OR10G7: variants seen among roughly 807,000 people sequenced by gnomAD.
The protein encoded by OR10G7 is olfactory receptor 10G7.
For synonymous variants in OR10G7, 165 were observed against 167.4 expected, an observed-to-expected ratio of 0.99 and a Z score of 0.11; for missense variants, 338 against 382.1, an observed-to-expected ratio of 0.88 and a Z score of 0.96.
In OR10G7 at chr11:124,038,587, A is replaced by T. The variant is rs1183491226; in HGVS notation, c.415T>A (p.Ser139Thr). The part of the protein sequence containing the change: ...LRYTNMMTGR[S>T]CALLATGTWL... ...GTGCCGGTGGCCAGGAGGGCACACG[A>T]GCGCCCAGTCATCATGTTGGTGTAC... The change falls in exon 2 of 2, where the codon TCG (serine) becomes ACG (threonine). Residue 139 changes from serine (S) to threonine (T), a missense_variant. Physicochemically the swap from Ser to Thr is moderately conservative, Grantham distance 58 (BLOSUM62 1). Coordinates refer to ENST00000641585, the MANE Select transcript of OR10G7 (RefSeq NM_001004463.2). The T allele has an allele frequency of 1.2e-6, 2 of 1,613,852 alleles. 1 individual carries two copies. The highest frequency in any genetic ancestry group is 2.7e-5 in the African/African-American group (2 of 74,916).
Position 124,036,301 on chromosome 11 carries a change from C to G in OR10G7, c.*1765G>C, listed in dbSNP as rs1864191298. 6.6e-6 allele frequency: 1 copy of G among 152,172 alleles called. No homozygotes were observed. Among genetic ancestry groups the G allele is most frequent in the Admixed American group, 6.5e-5 (1 of 15,278 alleles). 9.4% of individuals were successfully genotyped at this position (152,172 alleles called of 1,614,324 possible). A position where few individuals can be genotyped will look rare whatever the true frequency, so the allele number is the denominator to read the frequency against. The stretch of plus-strand genomic sequence containing the variant: ...CTTATATATGTTTATCAATAATTTA[C>G]TTTCAAAATGGTTGTGTGTGATACA... On this transcript the variant is annotated 3_prime_UTR_variant, in exon 2 of 2. Transcript: ENST00000641585.
intron 1 of OR10G7, among the ~76,000 whole-genome samples, chr11:124,039,807 C>T (rs748278357): frequency 1.3e-5 from 2 of 152,104 alleles, no homozygotes; most frequent in Admixed American, 1.3e-4. Flanking sequence ...ATTAGATTCT[C>T]GTAGGAGTGG....
chr11:124,038,326 G>T lies in OR10G7; in HGVS notation c.676C>A (p.Arg226=), dbSNP rs150421981. ...SYVSIVCSIL[R]IRTSEGRHRA... ...TGCCTCCCCTCTGAGGTGCGGATCC[G>T]CAGGATGGAACAGACGATGGACACA... The change falls in exon 2 of 2, where the codon CGG becomes AGG. Residue 226 remains arginine, a synonymous_variant. Coordinates refer to ENST00000641585, the MANE Select transcript of OR10G7 (RefSeq NM_001004463.2). 2.5e-6 allele frequency: 4 copies of T among 1,614,128 alleles called. No individual in the cohort carries two copies. Among genetic ancestry groups the T allele is most frequent in the Non-Finnish European group, 3.4e-6 (4 of 1,180,036 alleles).
In OR10G7 at chr11:124,038,620, G is replaced by T. The variant is rs764445203; in HGVS notation, c.382C>A (p.Pro128Thr). The T allele has an allele frequency of 1.9e-6, 3 of 1,613,978 alleles. No homozygotes were observed. Among genetic ancestry groups the T allele is most frequent in the Non-Finnish European group, 2.5e-6 (3 of 1,179,992 alleles). Residue 128 changes from proline to threonine, a missense_variant, in exon 2 of 2, where the codon CCG (proline) becomes ACG (threonine). Physicochemically the swap from Pro to Thr is conservative, Grantham distance 38. Coordinates refer to ENST00000641585, the MANE Select transcript of OR10G7 (RefSeq NM_001004463.2). ...SYDRYLAISYPLRYTNMMTGR... is the reference protein window; with the variant it reads ...SYDRYLAISYTLRYTNMMTGR... ...GTCATCATGTTGGTGTACCTGAGCGGGTAACTGATGGCCAGGTAGCGATCA... is the reference window on the plus strand; with the variant it reads ...GTCATCATGTTGGTGTACCTGAGCGTGTAACTGATGGCCAGGTAGCGATCA...
chr11:124,039,105 G>A (rs1435618494), intron 1 of OR10G7, 84 bp from the exon 2 acceptor site: 1 of 1,290,316 alleles, frequency 7.8e-7, no homozygotes, highest in Non-Finnish European at 1.1e-6. Context: ...TTCTGATTAA[G>A]AACAATAGGG....
rs567143986 is a variant in OR10G7 at position 124,038,812 on chromosome 11, G to T, written c.190C>A (p.Leu64Met). 3.1e-6 allele frequency: 5 copies of T among 1,613,970 alleles called. No individual in the cohort carries two copies. Among genetic ancestry groups the T allele is most frequent in the Admixed American group, 1.7e-5 (1 of 60,020 alleles). ...HTPMYYFLTN[L>M]SFIDMWFSTV... ...GAGAACCACATGTCAATGAAGGACA[G>T]GTTGGTGAGGAAGTAGTACATGGGG... The change falls in exon 2 of 2, where the codon CTG becomes ATG. Residue 64 changes from leucine (L) to methionine (M), a missense_variant. Transcript: ENST00000641585.
chr11:124,039,122 T>C, intron 1 of OR10G7, 101 bp from the exon 2 acceptor site: 1 of 1,161,296 alleles, frequency 8.6e-7, no homozygotes, highest in Non-Finnish European at 1.2e-6. Flanking sequence ...AGGGTTAAAT[T>C]ATTTTTTATA....
In OR10G7 at chr11:124,036,582, G is replaced by A. The variant is rs768528245; in HGVS notation, c.*1484C>T. On this transcript the variant is annotated 3_prime_UTR_variant, in exon 2 of 2. Coordinates refer to ENST00000641585, the MANE Select transcript of OR10G7 (RefSeq NM_001004463.2). The stretch of plus-strand genomic sequence containing the variant: ...GTAATGGTAAGTTAGATATAACAGC[G>A]TGATGTTACAGAGAAGTGTAAGAAT... The A allele has an allele frequency of 2.0e-5, 3 of 152,168 alleles. No homozygotes were observed. Among genetic ancestry groups the A allele is most frequent in the African/African-American group, 4.8e-5 (2 of 41,446 alleles). 9.4% of individuals were successfully genotyped at this position (152,168 alleles called of 1,614,324 possible).
chr11:124,038,829 T>C lies in OR10G7; in HGVS notation c.173A>G (p.Tyr58Cys), dbSNP rs1446738508. The C allele has an allele frequency of 6.2e-7, 1 of 1,613,694 alleles. No individual in the cohort carries two copies. The highest frequency in any genetic ancestry group is 8.5e-7 in the Non-Finnish European group (1 of 1,179,942). ...GAAGGACAGGTTGGTGAGGAAGTAG[T>C]ACATGGGGGTGTGGAGGTGAGAATC... is the stretch of plus-strand genomic sequence containing the variant. ...RVDSHLHTPM[Y>C]YFLTNLSFID... is the part of the protein sequence containing the mutation. Residue 58 changes from tyrosine (Y) to cysteine (C), a missense_variant, in exon 2 of 2, where the codon TAC becomes TGC. Physicochemically the swap from Tyr to Cys is radical, Grantham distance 194. Transcript: ENST00000641585.
Position 124,036,259 on chromosome 11 carries a change from TAA to T in OR10G7, c.*1805_*1806del, listed in dbSNP as rs1435841866. On this transcript the variant is annotated 3_prime_UTR_variant, in exon 2 of 2. Coordinates refer to ENST00000641585, the MANE Select transcript of OR10G7 (RefSeq NM_001004463.2). The stretch of plus-strand genomic sequence containing the variant: ...TATTTCAACAACATTTTCAATTAAA[TAA>T]AGACTGACATTCTTCTTATATATGT... 1 of 152,218 alleles carries T rather than the reference TAA, an allele frequency of 6.6e-6. No individual in the cohort carries two copies. The highest frequency in any genetic ancestry group is 6.5e-5 in the Admixed American group (1 of 15,276). 9.4% of individuals were successfully genotyped at this position (152,218 alleles called of 1,614,324 possible).
In OR10G7 at chr11:124,038,480, C is replaced by T. The variant is rs551863985; in HGVS notation, c.522G>A (p.Gln174=). Residue 174 remains glutamine, a synonymous_variant, in exon 2 of 2, where the codon CAG becomes CAA. Transcript: ENST00000641585. ...HLPYCGPNQI[Q]HYFCDAPPIL... ...TGGGCGGTGCGTCACAGAAGTAGTGCTGGATCTGGTTGGGTCCACAGTAGG... is the reference window on the plus strand; with the variant it reads ...TGGGCGGTGCGTCACAGAAGTAGTGTTGGATCTGGTTGGGTCCACAGTAGG... 1 of 1,613,796 alleles carries T rather than the reference C, an allele frequency of 6.2e-7. No homozygotes were observed. Among genetic ancestry groups the T allele is most frequent in the African/African-American group, 1.3e-5 (1 of 74,924 alleles).
At chr11:124,039,409 A>G (rs1295667084) in intron 1 of OR10G7, among the ~76,000 whole-genome samples, 1 of 152,114 alleles carries the variant, frequency 6.6e-6, no homozygotes, top group African/African-American at 2.4e-5. Context: ...ATATATAGAT[A>G]CGCATGCACA....
rs997119184 is a variant in OR10G7 at position 124,038,099 on chromosome 11, C to T, written c.903G>A (p.Leu301=). ...CCTGAGCAAATACTGACCCATTTTT[C>T]AGCTTCAACAGAGCTTTCTTTACCT... is the stretch of plus-strand genomic sequence containing the variant. The part of the protein sequence containing the change: ...NKEVKKALLK[L]KNGSVFAQGE The change falls in exon 2 of 2, where the codon CTG becomes CTA. Residue 301 remains leucine (L), a synonymous_variant. Transcript: ENST00000641585. The T allele has an allele frequency of 5.6e-6, 9 of 1,611,390 alleles. No individual in the cohort carries two copies. The African/African-American group carries it at 9.4e-5, about 17-fold the overall frequency.
chr11:124,038,280 G>A lies in OR10G7; in HGVS notation c.722C>T (p.Ala241Val). The change falls in exon 2 of 2, where the codon GCC becomes GTC. Residue 241 changes from alanine to valine, a missense_variant. By Grantham distance (64) the Ala-to-Val change is moderately conservative (BLOSUM62 0). Coordinates refer to ENST00000641585, the MANE Select transcript of OR10G7 (RefSeq NM_001004463.2). Reference sequence around the variant, plus strand: ...GCAAAGGACCACGATACAGTGGGAGGCACAGGTCTGAAAGGCTCTGTGCCT... The same window carrying A: ...GCAAAGGACCACGATACAGTGGGAGACACAGGTCTGAAAGGCTCTGTGCCT... ...EGRHRAFQTC[A>V]SHCIVVLCFF... is the part of the protein sequence containing the mutation. The A allele has an allele frequency of 6.2e-7, 1 of 1,614,068 alleles. No homozygotes were observed. The highest frequency in any genetic ancestry group is 1.1e-5 in the South Asian group (1 of 91,084).
At chr11:124,039,751 C>T (rs369763351) in intron 1 of OR10G7, among the ~76,000 whole-genome samples, 3 of 152,192 alleles carry the variant, frequency 2.0e-5, no homozygotes, top group East Asian at 1.9e-4. Flanking sequence ...TGCCAGCAAG[C>T]GAGCATCACC....
intron 1 of OR10G7, 65 bp from the exon 2 acceptor site, chr11:124,039,086 A>T: frequency 1.4e-6 from 2 of 1,441,326 alleles, no homozygotes; most frequent in Non-Finnish European, 1.9e-6. Context: ...AAATATGGCA[A>T]CTATATTTTT....
rs1565596841 is a variant in OR10G7, at chr11:124,038,529, T to C, written c.473A>G (p.Gln158Arg). The C allele has an allele frequency of 6.2e-7, 1 of 1,613,664 alleles. No individual in the cohort carries two copies. Among genetic ancestry groups the C allele is most frequent in the East Asian group, 2.2e-5 (1 of 44,892 alleles). Residue 158 changes from glutamine (Q) to arginine (R), a missense_variant, in exon 2 of 2, where the codon CAG becomes CGG. Coordinates refer to ENST00000641585, the MANE Select transcript of OR10G7 (RefSeq NM_001004463.2). ...WLSGSLHSAV[Q>R]TILTFHLPYC... Reference sequence around the variant, plus strand: ...GGGCAAATGGAAAGTCAATATGGTCTGGACAGCAGAGTGCAGAGAGCCACT... The same window carrying C: ...GGGCAAATGGAAAGTCAATATGGTCCGGACAGCAGAGTGCAGAGAGCCACT...
At position 124,038,497 on chromosome 11, in the gene OR10G7, C is replaced by T; in HGVS notation, c.505G>A (p.Gly169Arg). Residue 169 changes from glycine (G) to arginine (R), a missense_variant, in exon 2 of 2, where the codon GGA (glycine) becomes AGA (arginine). Physicochemically the swap from Gly to Arg is moderately radical, Grantham distance 125. Coordinates refer to ENST00000641585, the MANE Select transcript of OR10G7 (RefSeq NM_001004463.2). ...TILTFHLPYC[G>R]PNQIQHYFCD... ...AAGTAGTGCTGGATCTGGTTGGGTCCACAGTAGGGCAAATGGAAAGTCAAT... is the reference window on the plus strand; with the variant it reads ...AAGTAGTGCTGGATCTGGTTGGGTCTACAGTAGGGCAAATGGAAAGTCAAT... The T allele has an allele frequency of 6.2e-7, 1 of 1,613,776 alleles. No homozygotes were observed. The highest frequency in any genetic ancestry group is 1.1e-5 in the South Asian group (1 of 91,064).
chr11:124,038,516 A>G lies in OR10G7; in HGVS notation c.486T>C (p.Thr162=). The change falls in exon 2 of 2, where the codon ACT becomes ACC. Residue 162 remains threonine, a synonymous_variant. Transcript: ENST00000641585. The part of the protein sequence containing the change: ...SLHSAVQTIL[T]FHLPYCGPNQ... The stretch of plus-strand genomic sequence containing the variant: ...TGGGTCCACAGTAGGGCAAATGGAA[A>G]GTCAATATGGTCTGGACAGCAGAGT... 6.2e-7 allele frequency: 1 copy of G among 1,613,818 alleles called. No homozygotes were observed. Among genetic ancestry groups the G allele is most frequent in the East Asian group, 2.2e-5 (1 of 44,876 alleles).
Sources: allele counts gnomAD v4.1 joint callset (sites outside exome capture counted in the v4.1 genomes callset), GRCh38; gene constraint gnomAD v4.1.1; transcripts MANE v1.5; gene names NCBI Gene and HGNC (gene_info 2026-07-23, HGNC 2026-07-21).